The following PROSER2 variants were observed in gnomAD, a reference collection of about 807,000 sequenced individuals.
PROSER2 encodes proline and serine-rich protein 2.
Under a neutral mutation model 14.6 loss-of-function variants are expected in PROSER2, and 18 were observed. The observed-to-expected ratio is 1.23, with a 90% CI of 0.85 to 1.83. The LOEUF is 1.83. PROSER2 is among the 40% of genes most tolerant of loss of function. The probability of loss-of-function intolerance (pLI) is 0.00; values close to 1 mark genes in which losing one functional copy is unlikely to be tolerated. For missense variants in PROSER2, 823 were observed against 629.8 expected, an observed-to-expected ratio of 1.31 and a Z score of -3.28; for synonymous variants, 367 against 286.4, an observed-to-expected ratio of 1.28 and a Z score of -2.84.
intron 1 of PROSER2, among the ~76,000 whole-genome samples, chr10:11,833,235 C>CTTTTTTTTTTTTTT (rs5783233): frequency 1.5e-4 from 13 of 87,664 alleles, no homozygotes; most frequent in Non-Finnish European, 1.8e-4. Context: ...AATGTTGTGG[C>CTTTTTTTTTTTTTT]TTTTTTTTTT....
At chr10:11,826,928 A>G (rs1833623742) in intron 1 of PROSER2, among the ~76,000 whole-genome samples, 1 of 128,578 alleles carries the variant, frequency 7.8e-6, no homozygotes, top group Non-Finnish European at 1.6e-5. Context: ...TGTGTTGCCC[A>G]GGCTGGAGTG....
intron 2 of PROSER2, among the ~76,000 whole-genome samples, chr10:11,858,346 T>C (rs150388463): frequency 6.6e-6 from 1 of 152,370 alleles, no homozygotes; most frequent in East Asian, 1.9e-4. Flanking sequence ...TGTGCTGGTA[T>C]AGCAATAGCT....
At chr10:11,861,519 T>C (rs1228345037) in intron 2 of PROSER2, among the ~76,000 whole-genome samples, 1 of 152,110 alleles carries the variant, frequency 6.6e-6, no homozygotes, top group African/African-American at 2.4e-5. Context: ...GGGCTGAGGT[T>C]TGAAATCCGG....
At chr10:11,852,546 T>TTC (rs1284098885) in intron 2 of PROSER2, among the ~76,000 whole-genome samples, 1 of 151,414 alleles carries the variant, frequency 6.6e-6, no homozygotes, top group African/African-American at 2.4e-5. Flanking sequence ...TGACTCTTTT[T>TTC]TTTGAGACAG....
Position 11,869,841 on chromosome 10 carries a change from C to A in PROSER2, c.743C>A (p.Pro248His). Residue 248 changes from proline (P) to histidine (H), a missense_variant, in exon 4 of 4, where the codon CCC becomes CAC. Pro to His is a moderately conservative substitution (Grantham distance 77). Transcript: ENST00000277570. The surrounding 1 kb of genome is among the most constrained non-coding windows in gnomAD (Gnocchi z 4.4). ...PGPGPSHPAQ[P>H]KAPRFPSNII... Reference sequence around the variant, plus strand: ...CCGGGGCCCAGCCACCCGGCGCAGCCCAAGGCACCCCGCTTCCCCAGCAAC... The same window carrying A: ...CCGGGGCCCAGCCACCCGGCGCAGCACAAGGCACCCCGCTTCCCCAGCAAC... 1.3e-6 allele frequency: 2 copies of A among 1,584,308 alleles called. No homozygotes were observed. The highest frequency in any genetic ancestry group is 1.2e-5 in the South Asian group (1 of 86,546).
chr10:11,824,239 AGTGT>A (rs753080219), intron 1 of PROSER2, among the ~76,000 whole-genome samples: 2 of 152,098 alleles, frequency 1.3e-5, no homozygotes, highest in Admixed American at 6.6e-5. Flanking sequence ...AAGGAAAATG[AGTGT>A]GTGTGTGTTT....
At chr10:11,826,832 G>A (rs1194329610) in intron 1 of PROSER2, among the ~76,000 whole-genome samples, 5 of 151,176 alleles carry the variant, frequency 3.3e-5, no homozygotes, top group African/African-American at 7.3e-5. Flanking sequence ...CGCCGGCTTC[G>A]GCCTCCCAAA....
rs532777149 is a variant in PROSER2, at chr10:11,830,338, C to T, written c.-82+6868C>T. Among the ~76,000 whole-genome samples, 15 of 152,298 alleles carry T rather than the reference C, an allele frequency of 9.8e-5. No homozygotes were observed. In the South Asian group the frequency reaches 2.1e-3, roughly 21 times the overall value. ...AGGATAATGCCTTCAGTTCCATCCA[C>T]GTTGCTGCAAAAGACATGATTGCAT... On this transcript the variant is annotated intron_variant, in intron 1 of 3. Transcript: ENST00000277570. The surrounding 1 kb of genome is among the most constrained non-coding windows in gnomAD (Gnocchi z 4.5).
rs1227702108 is a variant in PROSER2, at chr10:11,865,211, T to C, written c.139-1320T>C. Among the ~76,000 whole-genome samples, 1 of 152,188 alleles carries C rather than the reference T, an allele frequency of 6.6e-6. No homozygotes were observed. Among genetic ancestry groups the C allele is most frequent in the Non-Finnish European group, 1.5e-5 (1 of 68,034 alleles). Reference sequence around the variant, plus strand: ...TTGATTTTCTTATCCTTTTTTTTCATAGTTTTCTGATTTTACAACTTTATC... The same window carrying C: ...TTGATTTTCTTATCCTTTTTTTTCACAGTTTTCTGATTTTACAACTTTATC... On this transcript the variant is annotated intron_variant, in intron 2 of 3. Transcript: ENST00000277570. The surrounding 1 kb of genome is among the most constrained non-coding windows in gnomAD (Gnocchi z 4.2).
At chr10:11,850,339 C>T (rs1307193193) in intron 1 of PROSER2, 1 of 152,382 alleles carries the variant, frequency 6.6e-6, no homozygotes, top group Non-Finnish European at 1.5e-5. Context: ...AAAACCAGCC[C>T]TTTCAGGGGA....
chr10:11,833,272 G>A (rs1217945213), intron 1 of PROSER2, among the ~76,000 whole-genome samples: 2 of 99,818 alleles, frequency 2.0e-5, no homozygotes, highest in African/African-American at 7.8e-5. Flanking sequence ...TTTGCTGGGT[G>A]CAGTGGCTCA....
chr10:11,864,105 G>A (rs1834297972), intron 2 of PROSER2, among the ~76,000 whole-genome samples: 1 of 152,168 alleles, frequency 6.6e-6, no homozygotes, highest in Admixed American at 6.5e-5. Flanking sequence ...TCCTCAGACA[G>A]GCTGACATGG....
intron 1 of PROSER2, among the ~76,000 whole-genome samples, chr10:11,824,203 G>A (rs1833580571): frequency 6.6e-6 from 1 of 152,224 alleles, no homozygotes; most frequent in Non-Finnish European, 1.5e-5. Context: ...CCTAGTGCGT[G>A]CAGAGCAGAA....
chr10:11,860,733 G>A (rs1208481447), intron 2 of PROSER2, among the ~76,000 whole-genome samples: 1 of 152,182 alleles, frequency 6.6e-6, no homozygotes, highest in East Asian at 1.9e-4. Context: ...TGAGGCCTGC[G>A]TGGGGATCCG....
intron 1 of PROSER2, among the ~76,000 whole-genome samples, chr10:11,828,179 G>A (rs1462544166): frequency 1.3e-5 from 2 of 151,910 alleles, no homozygotes; most frequent in Non-Finnish European, 2.9e-5. Flanking sequence ...TTTAGGGTAA[G>A]GCTGAATGAC....
At chr10:11,851,504 G>A (rs1172661864) in intron 1 of PROSER2, 1 of 152,238 alleles carries the variant, frequency 6.6e-6, no homozygotes, top group Non-Finnish European at 1.5e-5. Context: ...CACAGTTTAT[G>A]GTGGCTGAGG....
chr10:11,831,944 GAC>G (rs1164506194), intron 1 of PROSER2: 1 of 152,080 alleles, frequency 6.6e-6, no homozygotes, highest in African/African-American at 2.4e-5. Flanking sequence ...TCACAACAGA[GAC>G]AGTTTGAAAT....
chr10:11,826,452 A>G (rs1564299491), intron 1 of PROSER2, among the ~76,000 whole-genome samples: 1 of 152,308 alleles, frequency 6.6e-6, no homozygotes, highest in East Asian at 1.9e-4. Context: ...GGAGCTGCCA[A>G]CTGTTTTCTA....
chr10:11,844,194 G>A (rs1833892881), intron 1 of PROSER2, among the ~76,000 whole-genome samples: 1 of 152,016 alleles, frequency 6.6e-6, no homozygotes, highest in Admixed American at 6.6e-5. Context: ...GTCTCACTAT[G>A]TTGCCCAGGC....
Sources: allele counts gnomAD v4.1 joint callset (sites outside exome capture counted in the v4.1 genomes callset), GRCh38; gene constraint gnomAD v4.1.1; non-coding constraint Gnocchi (gnomAD v3.1); transcripts MANE v1.5; gene names NCBI Gene and HGNC (gene_info 2026-07-23, HGNC 2026-07-21).